CNTNAP2: variants seen among roughly 807,000 people sequenced by gnomAD.
CNTNAP2 encodes contactin associated protein 2, also known as contactin-associated protein-like 2.
CNTNAP2 carries 98 observed loss-of-function variants against 155.2 expected under a neutral mutation model. The ratio of observed to expected loss-of-function variants is 0.63; its 90% CI spans 0.54 to 0.75. The LOEUF (loss-of-function observed/expected upper bound fraction) is 0.75, where lower values mean the gene tolerates loss of function less well. Ranked by LOEUF, CNTNAP2 falls within the 30% of genes least tolerant of loss-of-function variation. CNTNAP2 has a pLI of 0.00. For missense variants in CNTNAP2, 1,727 were observed against 1,688.1 expected, an observed-to-expected ratio of 1.02 and a Z score of -0.40; for synonymous variants, 651 against 631.2, an observed-to-expected ratio of 1.03 and a Z score of -0.47.
chr7:147,668,955 G>A (rs1290087296), intron 13 of CNTNAP2, among the ~76,000 whole-genome samples: 2 of 151,294 alleles, frequency 1.3e-5, no homozygotes, highest in Non-Finnish European at 1.5e-5. Flanking sequence ...CTATATAGGT[G>A]TGCTTTTTTT....
At chr7:148,072,268 T>G (rs1803395264) in intron 15 of CNTNAP2, among the ~76,000 whole-genome samples, 1 of 152,222 alleles carries the variant, frequency 6.6e-6, no homozygotes, top group Admixed American at 6.5e-5. Context: ...GTCAGCTCAT[T>G]TGATGTGTCT....
At chr7:146,544,961 G>A (rs1413235433) in intron 1 of CNTNAP2, among the ~76,000 whole-genome samples, 1 of 151,866 alleles carries the variant, frequency 6.6e-6, no homozygotes, top group African/African-American at 2.4e-5. Context: ...CTGAAACTTA[G>A]GCCTGAAGAG....
At chr7:147,936,954 G>T (rs1800621081) in intron 14 of CNTNAP2, among the ~76,000 whole-genome samples, 1 of 152,152 alleles carries the variant, frequency 6.6e-6, no homozygotes, top group Admixed American at 6.5e-5. Flanking sequence ...GCACCCCATT[G>T]CTGCAGGACA....
At chr7:146,165,696 G>C (rs1051460280) in intron 1 of CNTNAP2, among the ~76,000 whole-genome samples, 1 of 152,052 alleles carries the variant, frequency 6.6e-6, no homozygotes, top group Non-Finnish European at 1.5e-5. Flanking sequence ...TCACAAAAAT[G>C]AATTAATGTT....
rs149585183 is a variant in CNTNAP2, at chr7:147,525,803, G to A, written c.1778-36335G>A. ...TAATATTATGACTCTTTCATATTCC[G>A]ATATGTTGTTTCCTAAATTTATTTT... On this transcript the variant is annotated intron_variant, in intron 11 of 23. Transcript: ENST00000361727. 2.8e-3 allele frequency among the ~76,000 whole-genome samples: 429 copies of A among 152,240 alleles called. 4 individuals are homozygous for A. Among genetic ancestry groups the A allele is most frequent in the African/African-American group, 9.4e-3 (389 of 41,542 alleles).
At chr7:147,683,824 T>G (rs1252661582) in intron 13 of CNTNAP2, among the ~76,000 whole-genome samples, 1 of 151,146 alleles carries the variant, frequency 6.6e-6, no homozygotes, top group Non-Finnish European at 1.5e-5. Flanking sequence ...AAAATTCCTC[T>G]TCTTTTTTTT....
At chr7:147,496,928 A>T (rs553770689) in intron 11 of CNTNAP2, 1 of 152,144 alleles carries the variant, frequency 6.6e-6, no homozygotes, top group South Asian at 2.1e-4. Context: ...AAATATAAAG[A>T]TTGTTGTAAT....
chr7:148,009,505 CAAACTT>C (rs1802036622), intron 15 of CNTNAP2, among the ~76,000 whole-genome samples: 1 of 152,126 alleles, frequency 6.6e-6, no homozygotes, highest in African/African-American at 2.4e-5. Context: ...TGCAATTACT[CAAACTT>C]AGTATAGCAC....
chr7:147,560,862 A>G (rs545151812), intron 11 of CNTNAP2, among the ~76,000 whole-genome samples: 1 of 150,348 alleles, frequency 6.7e-6, no homozygotes, highest in South Asian at 2.2e-4. Flanking sequence ...CCTTGGAAAG[A>G]GGAAGGCATA....
intron 3 of CNTNAP2, among the ~76,000 whole-genome samples, chr7:146,893,689 T>C (rs555548641): frequency 6.6e-6 from 1 of 152,232 alleles, no homozygotes; most frequent in South Asian, 2.1e-4. Flanking sequence ...AAAGCTACCA[T>C]AATCAGCCAT....
intron 20 of CNTNAP2, among the ~76,000 whole-genome samples, chr7:148,242,476 T>C (rs534998538): frequency 6.6e-6 from 1 of 152,314 alleles, no homozygotes; most frequent in South Asian, 2.1e-4. Flanking sequence ...TCATTAGCTG[T>C]AACCAGTGAG....
At chr7:146,936,639 A>G (rs28823047) in intron 3 of CNTNAP2, among the ~76,000 whole-genome samples, 2,416 of 152,322 alleles carry the variant, frequency 0.016, 67 homozygotes, top group African/African-American at 0.055. Flanking sequence ...TAATAGGTAG[A>G]CAAGATTGAA....
chr7:148,286,018 T>A (rs950974611), intron 21 of CNTNAP2, among the ~76,000 whole-genome samples: 3 of 152,182 alleles, frequency 2.0e-5, no homozygotes, highest in Non-Finnish European at 4.4e-5. Context: ...AAGAAAACAT[T>A]ATTAGGAAAA....
At chr7:148,006,644 C>CAAA (rs5888302) in intron 15 of CNTNAP2, among the ~76,000 whole-genome samples, 46 of 61,436 alleles carry the variant, frequency 7.5e-4, no homozygotes, top group African/African-American at 2.5e-3. Flanking sequence ...ATATCCCAGA[C>CAAA]AAAAAAAAAA....
chr7:148,118,428 C>T, intron 16 of CNTNAP2, 140 bp downstream of exon 16: 1 of 939,880 alleles, frequency 1.1e-6, no homozygotes, highest in Non-Finnish European at 1.6e-6. Flanking sequence ...GGTGGACACA[C>T]AAGCCTGAGT....
At chr7:148,067,190 A>AC (rs1803284403) in intron 15 of CNTNAP2, among the ~76,000 whole-genome samples, 1 of 152,102 alleles carries the variant, frequency 6.6e-6, no homozygotes, top group Non-Finnish European at 1.5e-5. Flanking sequence ...TTGTCATATT[A>AC]CCAGAATTGT....
chr7:147,217,062 G>A (rs1584798244), intron 8 of CNTNAP2, among the ~76,000 whole-genome samples: 1 of 151,802 alleles, frequency 6.6e-6, no homozygotes, highest in South Asian at 2.1e-4. Flanking sequence ...TTAATTCCAG[G>A]AGGATTTTTG....
At chr7:147,501,148 CAG>C (rs1798804067) in intron 11 of CNTNAP2, among the ~76,000 whole-genome samples, 1 of 151,850 alleles carries the variant, frequency 6.6e-6, no homozygotes, top group African/African-American at 2.4e-5. Flanking sequence ...ATCATTTCAA[CAG>C]ACACAGAAGA....
At chr7:146,707,916 T>C (rs768060522) in intron 1 of CNTNAP2, among the ~76,000 whole-genome samples, 2 of 152,090 alleles carry the variant, frequency 1.3e-5, no homozygotes, top group Non-Finnish European at 2.9e-5. Flanking sequence ...CACTTTTTTT[T>C]AATGCATGGA....
Sources: gnomAD v4.1 joint callset for allele counts (sites outside exome capture counted in the v4.1 genomes callset) on GRCh38, gnomAD v4.1.1 for gene constraint, MANE v1.5 for transcripts, NCBI Gene and HGNC (gene_info 2026-07-23, HGNC 2026-07-21) for gene names.